DMD: variants seen among roughly 807,000 people sequenced by gnomAD.
DMD encodes the protein mutant dystrophin.
DMD carries 63 observed loss-of-function variants against 330.1 expected under a neutral mutation model. That is an observed-to-expected ratio of 0.19 (90% confidence interval 0.16 to 0.24). DMD has a LOEUF of 0.24. Ranked by LOEUF, DMD falls within the 10% of genes least tolerant of loss-of-function variation. The pLI is 1.00. For missense variants in DMD, 3,344 were observed against 2,684.1 expected (o/e 1.25, Z -5.43); for synonymous variants, 1,223 against 959.8 (o/e 1.27, Z -5.07).
At chrX:32,365,823 T>C (rs2097852428) in intron 34 of DMD, among the ~76,000 whole-genome samples, 1 of 112,120 alleles carries the variant, frequency 8.9e-6, no homozygotes, top group Non-Finnish European at 1.9e-5. Context: ...TAGGATAATT[T>C]CAATGTAGTG....
intron 2 of DMD, among the ~76,000 whole-genome samples, chrX:32,864,990 G>A (rs1207849481): frequency 2.7e-5 from 3 of 111,793 alleles, no homozygotes; most frequent in African/African-American, 9.7e-5. Flanking sequence ...TCTTCCATGT[G>A]AGATTCGGTG....
intron 63 of DMD, among the ~76,000 whole-genome samples, chrX:31,225,282 A>C (rs1161966461): frequency 8.9e-6 from 1 of 112,455 alleles, no homozygotes; most frequent in African/African-American, 3.2e-5. Flanking sequence ...CTAGCAATTA[A>C]TCAAAAAGCC....
intron 7 of DMD, among the ~76,000 whole-genome samples, chrX:32,750,135 AAC>A (rs1350855200): frequency 1.8e-5 from 2 of 112,241 alleles, no homozygotes; most frequent in East Asian, 5.6e-4. Context: ...ATTAAGAATA[AAC>A]AGAGATTTTT....
At chrX:31,676,765 T>C (rs901637526) in intron 53 of DMD, among the ~76,000 whole-genome samples, 1 of 112,405 alleles carries the variant, frequency 8.9e-6, no homozygotes, top group African/African-American at 3.2e-5. Context: ...TCAAAGAGTG[T>C]TTTTGAAAGG....
intron 50 of DMD, among the ~76,000 whole-genome samples, chrX:31,796,977 G>A (rs746188409): frequency 1.4e-3 from 152 of 111,627 alleles, no homozygotes; most frequent in African/African-American, 4.9e-3. Context: ...TGAGAAGTTG[G>A]TAGTGGTGCC....
chrX:32,690,877 C>A (rs1170133689), intron 9 of DMD, among the ~76,000 whole-genome samples: 3 of 111,408 alleles, frequency 2.7e-5, no homozygotes, highest in African/African-American at 9.8e-5. Flanking sequence ...AAACCTCAAT[C>A]CATAAAACTC....
At chrX:32,513,205 C>A (rs1363124456) in intron 18 of DMD, among the ~76,000 whole-genome samples, 1 of 112,032 alleles carries the variant, frequency 8.9e-6, no homozygotes, top group Non-Finnish European at 1.9e-5. Flanking sequence ...GCTGCAAGTA[C>A]CAAGGCAACA....
chrX:31,706,828 G>A (rs1446067928), intron 52 of DMD, among the ~76,000 whole-genome samples: 1 of 112,155 alleles, frequency 8.9e-6, no homozygotes, highest in Non-Finnish European at 1.9e-5. Context: ...TGACTAATAC[G>A]TTAGCTGCAA....
intron 44 of DMD, among the ~76,000 whole-genome samples, chrX:32,215,956 T>C (rs1387186396): frequency 8.9e-6 from 1 of 112,196 alleles, no homozygotes; most frequent in East Asian, 2.8e-4. Context: ...CTCCTTAATA[T>C]TAAAGGGCAT....
At chrX:32,978,530 T>G (rs1377161945) in intron 2 of DMD, among the ~76,000 whole-genome samples, 6 of 111,748 alleles carry the variant, frequency 5.4e-5, no homozygotes, top group Admixed American at 2.9e-4. Context: ...AGTGCAGTGG[T>G]GCAATCTCGG....
intron 44 of DMD, among the ~76,000 whole-genome samples, chrX:32,070,577 T>G (rs2096288722): frequency 9.0e-6 from 1 of 110,902 alleles, no homozygotes; most frequent in African/African-American, 3.3e-5. Flanking sequence ...ATAAAGAAAC[T>G]GCGGTATATA....
At chrX:31,698,098 G>A (rs185859733) in intron 52 of DMD, among the ~76,000 whole-genome samples, 2 of 112,135 alleles carry the variant, frequency 1.8e-5, no homozygotes, top group Admixed American at 9.5e-5. Flanking sequence ...AAACATTCAC[G>A]ATCTGCTAGG....
chrX:31,147,865 G>A (rs772767540), intron 74 of DMD, among the ~76,000 whole-genome samples: 7 of 111,639 alleles, frequency 6.3e-5, no homozygotes, highest in African/African-American at 2.3e-4. Context: ...ATAATGTCAT[G>A]AGATTAAAAA....
At chrX:33,277,406 G>C (rs563348652) in intron 1 of DMD, among the ~76,000 whole-genome samples, 1 of 111,098 alleles carries the variant, frequency 9.0e-6, no homozygotes, top group African/African-American at 3.3e-5. Flanking sequence ...CTTTAAAATG[G>C]TTACTTTTAT....
At chrX:32,086,564 T>C (rs780326532) in intron 44 of DMD, among the ~76,000 whole-genome samples, 1 of 111,372 alleles carries the variant, frequency 9.0e-6, no homozygotes, top group African/African-American at 3.3e-5. Context: ...AGAAGCACAA[T>C]CATCATCACT....
chrX:32,929,553 A>G (rs996711043), intron 2 of DMD, among the ~76,000 whole-genome samples: 2 of 111,227 alleles, frequency 1.8e-5, no homozygotes, highest in African/African-American at 6.5e-5. Flanking sequence ...CATCAAGCAC[A>G]GATACTTTTC....
chrX:32,089,443 T>G (rs955939697), intron 44 of DMD, among the ~76,000 whole-genome samples: 2 of 111,461 alleles, frequency 1.8e-5, no homozygotes, highest in Non-Finnish European at 3.8e-5. Flanking sequence ...CCACTTGTGT[T>G]CCACCCTCCA....
intron 18 of DMD, among the ~76,000 whole-genome samples, chrX:32,505,506 C>A (rs955284686): frequency 2.7e-5 from 3 of 112,176 alleles, no homozygotes; most frequent in Non-Finnish European, 5.6e-5. Context: ...AGAACACTGA[C>A]AAAACCAAAA....
chrX:33,113,601 C>A (rs201349030), intron 1 of DMD, among the ~76,000 whole-genome samples: 29 of 84,501 alleles, frequency 3.4e-4, no homozygotes, highest in African/African-American at 1.1e-3. Context: ...CCCCCCCCCC[C>A]AAAAAAATCT....
Sources: gnomAD v4.1 joint callset for allele counts (sites outside exome capture counted in the v4.1 genomes callset) on GRCh38, gnomAD v4.1.1 for gene constraint, MANE v1.5 for transcripts, NCBI Gene and HGNC (gene_info 2026-07-23, HGNC 2026-07-21) for gene names.